The following MEI4 variants were observed in gnomAD, a reference collection of about 807,000 sequenced individuals.
MEI4 encodes meiotic double-stranded break formation protein 4, also known as meiosis-specific protein MEI4.
Under a neutral mutation model 31.4 loss-of-function variants are expected in MEI4, and 27 were observed. That is an observed-to-expected ratio of 0.86 (90% confidence interval 0.63 to 1.19). The LOEUF (loss-of-function observed/expected upper bound fraction) is 1.19, where lower values mean the gene tolerates loss of function less well. MEI4 is among the 50% of genes most tolerant of loss of function. The pLI, the probability that MEI4 is intolerant of heterozygous loss-of-function variation, is 0.00. For synonymous variants in MEI4, 122 were observed against 145.4 expected (o/e 0.84, Z 1.16); for missense variants, 329 against 398.9 (o/e 0.82, Z 1.49).
intron 2 of MEI4, among the ~76,000 whole-genome samples, chr6:77,708,228 TTACACCA>T (rs1766374251): frequency 6.6e-6 from 1 of 152,232 alleles, no homozygotes; most frequent in Admixed American, 6.5e-5. Context: ...AGCCCACCCC[TTACACCA>T]GTATGTCATG....
intron 4 of MEI4, among the ~76,000 whole-genome samples, chr6:77,888,572 A>G (rs928720204): frequency 3.9e-5 from 6 of 151,926 alleles, no homozygotes; most frequent in African/African-American, 1.5e-4. Flanking sequence ...GGGAAAGACT[A>G]TTTCTCCTTC....
chr6:77,843,839 A>G (rs1770418083), intron 4 of MEI4, among the ~76,000 whole-genome samples: 1 of 152,098 alleles, frequency 6.6e-6, no homozygotes, highest in African/African-American at 2.4e-5. Flanking sequence ...TCATGACATA[A>G]TCATAGACAT....
chr6:77,791,773 G>T (rs1768943518), intron 3 of MEI4, among the ~76,000 whole-genome samples: 1 of 150,850 alleles, frequency 6.6e-6, no homozygotes, highest in Non-Finnish European at 1.5e-5. Flanking sequence ...TACCTTTTTT[G>T]GTGAGAGAAC....
chr6:77,703,933 G>A (rs1242062205), intron 2 of MEI4, among the ~76,000 whole-genome samples: 1 of 152,158 alleles, frequency 6.6e-6, no homozygotes, highest in Non-Finnish European at 1.5e-5. Flanking sequence ...GAGGGCGGGG[G>A]TTGGTAGTTG....
At chr6:77,750,549 C>G (rs1398982034) in intron 2 of MEI4, among the ~76,000 whole-genome samples, 1 of 152,096 alleles carries the variant, frequency 6.6e-6, no homozygotes, top group African/African-American at 2.4e-5. Context: ...GTAAAGGGAT[C>G]AATACAACAA....
intron 1 of MEI4, among the ~76,000 whole-genome samples, chr6:77,658,430 G>A (rs943407710): frequency 5.9e-5 from 9 of 152,242 alleles, no homozygotes; most frequent in Admixed American, 4.6e-4. Context: ...CACAGGGGAT[G>A]CGATGGCTTG....
intron 1 of MEI4, among the ~76,000 whole-genome samples, chr6:77,666,880 T>TGTGCGTGC (rs1554208080): frequency 2.4e-4 from 35 of 147,666 alleles, no homozygotes; most frequent in Non-Finnish European, 4.3e-4. Flanking sequence ...TGTGTGTGTG[T>TGTGCGTGC]GTGCGTGCGT....
intron 4 of MEI4, among the ~76,000 whole-genome samples, chr6:77,854,116 T>C (rs1770694699): frequency 6.6e-6 from 1 of 152,102 alleles, no homozygotes; most frequent in African/African-American, 2.4e-5. Context: ...TCTCCAAAAG[T>C]ATCATACTGA....
intron 1 of MEI4, among the ~76,000 whole-genome samples, chr6:77,665,109 T>TGGGGCGCAGAGATAAGAGGTC (rs1554207852): frequency 1.4e-5 from 2 of 143,810 alleles, no homozygotes; most frequent in Non-Finnish European, 3.0e-5. Context: ...GAAAAGGGGT[T>TGGGGCGCAGAGATAAGAGGTC]GGGGCGCAGA....
chr6:77,686,495 G>A (rs2320465), intron 1 of MEI4, among the ~76,000 whole-genome samples: 57,435 of 151,234 alleles, frequency 0.38, 12,230 homozygotes, highest in East Asian at 0.51. Flanking sequence ...TTAATTTGCA[G>A]TTTTACTGCA....
At chr6:77,758,173 A>G (rs1416304970) in intron 2 of MEI4, among the ~76,000 whole-genome samples, 3 of 144,974 alleles carry the variant, frequency 2.1e-5, no homozygotes, top group Admixed American at 7.0e-5. Flanking sequence ...AAAAAAAAAA[A>G]GAAAGAAAGA....
intron 4 of MEI4, among the ~76,000 whole-genome samples, chr6:77,838,672 C>T (rs915370147): frequency 3.3e-5 from 5 of 152,144 alleles, no homozygotes; most frequent in Middle Eastern, 3.4e-3. Context: ...GAGGGCGAGG[C>T]GAGTGGATCA....
At chr6:77,866,212 G>C (rs551026714) in intron 4 of MEI4, among the ~76,000 whole-genome samples, 1 of 151,828 alleles carries the variant, frequency 6.6e-6, no homozygotes, top group Non-Finnish European at 1.5e-5. Context: ...TCAACATAGT[G>C]TTGGAAGTTC....
At chr6:77,824,037 A>T (rs1352437249) in intron 3 of MEI4, among the ~76,000 whole-genome samples, 1 of 152,314 alleles carries the variant, frequency 6.6e-6, no homozygotes, top group Middle Eastern at 3.4e-3. Flanking sequence ...TCTATGCCTT[A>T]AGAGAAATTC....
chr6:77,802,628 G>C (rs1398060455), intron 3 of MEI4, among the ~76,000 whole-genome samples: 1 of 152,078 alleles, frequency 6.6e-6, no homozygotes, highest in African/African-American at 2.4e-5. Context: ...CTTTCCATGT[G>C]TAGTGTTTCC....
In MEI4 at chr6:77,841,691, C is replaced by CA. The variant is rs11453641; in HGVS notation, c.900+12635dup. Among the ~76,000 whole-genome samples, 1,437 of 151,726 alleles carry CA rather than the reference C, an allele frequency of 9.5e-3. 18 individuals carry two copies. Among genetic ancestry groups the CA allele is most frequent in the African/African-American group, 0.031 (1,286 of 41,364 alleles). On this transcript the variant is annotated intron_variant, in intron 4 of 4. Transcript: ENST00000684080. ...AGAACAAAATAATAAAGACCTTTAA[C>CA]AAAAAATAATTAAAGTGGAAGCTAA...
At chr6:77,803,379 T>A (rs1422124445) in intron 3 of MEI4, among the ~76,000 whole-genome samples, 1 of 152,202 alleles carries the variant, frequency 6.6e-6, no homozygotes, top group Non-Finnish European at 1.5e-5. Context: ...TGGTCTAATT[T>A]TTTTTCAAGA....
chr6:77,746,771 G>A (rs1767620628), intron 2 of MEI4, among the ~76,000 whole-genome samples: 2 of 151,838 alleles, frequency 1.3e-5, no homozygotes, highest in South Asian at 2.1e-4. Context: ...GTATGTGGAG[G>A]GTAAAAGAGA....
intron 2 of MEI4, among the ~76,000 whole-genome samples, chr6:77,741,840 A>G (rs978442935): frequency 1.5e-4 from 21 of 137,394 alleles, no homozygotes; most frequent in African/African-American, 4.7e-4. Flanking sequence ...TCATTGTTCA[A>G]TTCCCACCTA....
Sources: allele counts gnomAD v4.1 joint callset (sites outside exome capture counted in the v4.1 genomes callset), GRCh38; gene constraint gnomAD v4.1.1; transcripts MANE v1.5; gene names NCBI Gene and HGNC (gene_info 2026-07-23, HGNC 2026-07-21).